UBE2QL1: variants seen among roughly 807,000 people sequenced by gnomAD.
UBE2QL1 encodes the protein ubiquitin-conjugating enzyme E2Q-like protein 1.
Under a neutral mutation model 12.6 loss-of-function variants are expected in UBE2QL1, and 5 were observed. The observed-to-expected ratio is 0.40, with a 90% CI of 0.21 to 0.83. The LOEUF (loss-of-function observed/expected upper bound fraction) is 0.83. Among genes scored for constraint, UBE2QL1 ranks in the 40% least tolerant of loss-of-function variants. UBE2QL1 has a pLI of 0.37. For missense variants in UBE2QL1, 99 were observed against 222.6 expected (o/e 0.44, Z 3.53); for synonymous variants, 96 against 94.5 (o/e 1.02, Z -0.10).
chr5:6,461,731 T>A lies in UBE2QL1; in HGVS notation c.354+12484T>A, dbSNP rs781749343. The stretch of plus-strand genomic sequence containing the variant: ...GCTCAGACCATTTGTTCATATTTAT[T>A]TATGTCTCCTTTTTGCTCCTGTTAA... On this transcript the variant is annotated intron_variant, in intron 1 of 1. Coordinates refer to ENST00000399816, the MANE Select transcript of UBE2QL1 (RefSeq NM_001145161.3). Among the ~76,000 whole-genome samples the A allele has an allele frequency of 3.2e-4, 49 of 152,156 alleles. 1 individual carries two copies. Among genetic ancestry groups the A allele is most frequent in the Non-Finnish European group, 6.3e-4 (43 of 68,032 alleles).
intron 1 of UBE2QL1, among the ~76,000 whole-genome samples, chr5:6,466,278 G>A (rs781285011): frequency 2.1e-4 from 32 of 152,222 alleles, no homozygotes; most frequent in Non-Finnish European, 1.8e-4. Flanking sequence ...GAACTGCTCA[G>A]CACTCAGGAA....
chr5:6,483,201 C>T (rs1049356794), intron 1 of UBE2QL1, among the ~76,000 whole-genome samples: 6 of 152,010 alleles, frequency 3.9e-5, no homozygotes, highest in Non-Finnish European at 7.4e-5. Flanking sequence ...TTTGGGAGGC[C>T]GAGGCGGGTG....
At chr5:6,475,570 A>G (rs1734212398) in intron 1 of UBE2QL1, among the ~76,000 whole-genome samples, 1 of 152,046 alleles carries the variant, frequency 6.6e-6, no homozygotes, top group Non-Finnish European at 1.5e-5. Context: ...GCTTCGGTCC[A>G]TTCCTTTTAT....
chr5:6,465,258 AT>A (rs1300186497), intron 1 of UBE2QL1, among the ~76,000 whole-genome samples: 1 of 152,234 alleles, frequency 6.6e-6, no homozygotes, highest in African/African-American at 2.4e-5. Context: ...AAGTGCTGGG[AT>A]AACAAGCATG....
At chr5:6,449,458 C>T (rs1191677832) in intron 1 of UBE2QL1, among the ~76,000 whole-genome samples, 1 of 152,110 alleles carries the variant, frequency 6.6e-6, no homozygotes, top group Non-Finnish European at 1.5e-5. Context: ...TCCGTCCCGT[C>T]TCTCCCGTCC....
intron 1 of UBE2QL1, among the ~76,000 whole-genome samples, chr5:6,477,675 C>T (rs905195069): frequency 2.0e-5 from 3 of 152,136 alleles, no homozygotes; most frequent in Admixed American, 1.3e-4. Flanking sequence ...CAGCAGGACG[C>T]GGGTGTGTGG....
At chr5:6,465,988 G>A (rs1739780658) in intron 1 of UBE2QL1, among the ~76,000 whole-genome samples, 1 of 151,558 alleles carries the variant, frequency 6.6e-6, no homozygotes. Context: ...GGCCCCAGGC[G>A]ACCTCCCTCC....
In UBE2QL1 at chr5:6,495,628, G is replaced by C. The variant is rs1734653636; in HGVS notation, c.*4279G>C. 6.6e-6 allele frequency among the ~76,000 whole-genome samples: 1 copy of C among 152,218 alleles called. No individual in the cohort carries two copies. The highest frequency in any genetic ancestry group is 2.1e-4 in the South Asian group (1 of 4,826). On this transcript the variant is annotated 3_prime_UTR_variant, in exon 2 of 2. Transcript: ENST00000399816. ...GTACAGTTGCAAGTCTTCCAAGCCAGCTGAGAAACACCCACAGGATCCATT... is the reference window on the plus strand; with the variant it reads ...GTACAGTTGCAAGTCTTCCAAGCCACCTGAGAAACACCCACAGGATCCATT...
chr5:6,481,451 G>A lies in UBE2QL1; in HGVS notation c.355-9767G>A, dbSNP rs576770070. ...ACCTGCTCACGGGCCTATGGCTAGA[G>A]AGCAGAGAGGGGGCACGCTCCCCTC... On this transcript the variant is annotated intron_variant, in intron 1 of 1. Transcript: ENST00000399816. This position sits in a 1 kb window ranked among gnomAD's most constrained non-coding sequence, Gnocchi z 4.5. 7.2e-5 allele frequency among the ~76,000 whole-genome samples: 11 copies of A among 152,278 alleles called. No individual in the cohort carries two copies. The highest frequency in any genetic ancestry group is 9.6e-5 in the African/African-American group (4 of 41,552).
intron 1 of UBE2QL1, among the ~76,000 whole-genome samples, chr5:6,474,703 C>T (rs757435494): frequency 1.1e-4 from 16 of 152,176 alleles, no homozygotes; most frequent in Non-Finnish European, 1.9e-4. Context: ...CCACAGGCTT[C>T]GTCGTTCATT....
chr5:6,485,167 G>A (rs1560936714), intron 1 of UBE2QL1, among the ~76,000 whole-genome samples: 1 of 151,978 alleles, frequency 6.6e-6, no homozygotes, highest in East Asian at 1.9e-4. Context: ...GCTCACATAT[G>A]CACACACACA....
chr5:6,473,063 A>C (rs1739950077), intron 1 of UBE2QL1, among the ~76,000 whole-genome samples: 1 of 152,114 alleles, frequency 6.6e-6, no homozygotes, highest in Admixed American at 6.5e-5. Flanking sequence ...GTCCCATGTA[A>C]ATACAATTCT....
chr5:6,491,430 C>T lies in UBE2QL1; in HGVS notation c.*81C>T, dbSNP rs1734567890. ...TGACATCTCCTCAATGCTGTGCATCCTCCACCCGTTTTTACTCCAGCCAGA... is the reference window on the plus strand; with the variant it reads ...TGACATCTCCTCAATGCTGTGCATCTTCCACCCGTTTTTACTCCAGCCAGA... On this transcript the variant is annotated 3_prime_UTR_variant, in exon 2 of 2. Transcript: ENST00000399816. 7 of 1,437,088 alleles carry T rather than the reference C, an allele frequency of 4.9e-6. No individual in the cohort carries two copies. The Admixed American group carries it at 2.1e-4, about 43-fold the overall frequency. 89.0% of individuals were successfully genotyped at this position (1,437,088 alleles called of 1,614,324 possible).
intron 1 of UBE2QL1, among the ~76,000 whole-genome samples, chr5:6,463,467 G>A (rs944567314): frequency 1.6e-4 from 25 of 152,102 alleles, no homozygotes; most frequent in Admixed American, 5.9e-4. Flanking sequence ...ACTTTTCTGC[G>A]TGGTGCAGAC....
chr5:6,465,994 C>G (rs1351892376), intron 1 of UBE2QL1, among the ~76,000 whole-genome samples: 1 of 152,136 alleles, frequency 6.6e-6, no homozygotes, highest in African/African-American at 2.4e-5. Flanking sequence ...AGGCGACCTC[C>G]CTCCCCTCAC....
rs1734613812 is a variant in UBE2QL1 at position 6,493,388 on chromosome 5, TA to T, written c.*2040del. On this transcript the variant is annotated 3_prime_UTR_variant, in exon 2 of 2. Transcript: ENST00000399816. The stretch of plus-strand genomic sequence containing the variant: ...ATGAAAACTAAAAGCAGCTTTACTT[TA>T]GGGGGAAAAATATATCCAAAGGCAG... 1 of 152,214 alleles carries T rather than the reference TA, an allele frequency of 6.6e-6. No homozygotes were observed. The highest frequency in any genetic ancestry group is 2.4e-5 in the African/African-American group (1 of 41,464). 9.4% of individuals were successfully genotyped at this position (152,214 alleles called of 1,614,324 possible). A position where few individuals can be genotyped will look rare whatever the true frequency, so the allele number is the denominator to read the frequency against.
chr5:6,483,939 C>G (rs778971564), intron 1 of UBE2QL1, among the ~76,000 whole-genome samples: 1 of 152,214 alleles, frequency 6.6e-6, no homozygotes, highest in Non-Finnish European at 1.5e-5. Context: ...ATGTGTTTGG[C>G]TTGGGCGTGA....
chr5:6,489,084 C>T (rs550360717), intron 1 of UBE2QL1, among the ~76,000 whole-genome samples: 4 of 152,230 alleles, frequency 2.6e-5, no homozygotes, highest in Admixed American at 2.6e-4. Flanking sequence ...TCTTTTCCTC[C>T]GATCTTCCTT....
At chr5:6,470,924 C>T (rs1579294855) in intron 1 of UBE2QL1, among the ~76,000 whole-genome samples, 1 of 152,178 alleles carries the variant, frequency 6.6e-6, no homozygotes, top group Admixed American at 6.5e-5. Context: ...GTTACAGTCC[C>T]ATCAGCAGCA....
Sources: gnomAD v4.1 joint callset for allele counts (sites outside exome capture counted in the v4.1 genomes callset) on GRCh38, gnomAD v4.1.1 for gene constraint, Gnocchi (gnomAD v3.1) non-coding constraint, MANE v1.5 for transcripts, NCBI Gene and HGNC (gene_info 2026-07-23, HGNC 2026-07-21) for gene names.